The following NRG1 variants were observed in gnomAD, a reference collection of about 807,000 sequenced individuals.
NRG1 encodes pro-neuregulin-1, membrane-bound isoform.
A neutral mutation model predicts 63.8 loss-of-function variants in NRG1; 18 were observed. The ratio of observed to expected loss-of-function variants is 0.28; its 90% CI spans 0.19 to 0.42. The LOEUF is 0.42. Among genes scored for constraint, NRG1 ranks in the 10% least tolerant of loss-of-function variants. The probability of loss-of-function intolerance (pLI) is 1.00; values close to 1 mark genes in which losing one functional copy is unlikely to be tolerated. For synonymous variants in NRG1, 302 were observed against 301.3 expected (o/e 1.00, Z -0.02); for missense variants, 762 against 814.7 (o/e 0.94, Z 0.79).
intron 11 of NRG1, 71 bp from the exon 12 acceptor site, chr8:32,763,677 G>T: frequency 7.1e-7 from 1 of 1,410,808 alleles, no homozygotes; most frequent in Non-Finnish European, 9.6e-7. Flanking sequence ...CGTGAACTCT[G>T]TCCCCTTACC....
chr8:31,783,317 C>A (rs1456238062), intron 1 of NRG1, among the ~76,000 whole-genome samples: 1 of 152,092 alleles, frequency 6.6e-6, no homozygotes, highest in East Asian at 1.9e-4. Context: ...TGTTTTATAG[C>A]AATAGTTTTT....
chr8:31,910,700 A>G (rs925735935), intron 1 of NRG1, among the ~76,000 whole-genome samples: 6 of 152,214 alleles, frequency 3.9e-5, no homozygotes, highest in African/African-American at 9.6e-5. Flanking sequence ...TATATGTGAT[A>G]CGTAAACAGG....
At chr8:32,256,193 A>C (rs150616532) in intron 1 of NRG1, among the ~76,000 whole-genome samples, 1 of 152,240 alleles carries the variant, frequency 6.6e-6, no homozygotes, top group African/African-American at 2.4e-5. Context: ...CTGTCAATTC[A>C]TCAAACTCAT....
At chr8:32,344,366 C>CTTTCTTTCTTTCTT (rs1804506794) in intron 1 of NRG1, among the ~76,000 whole-genome samples, 7 of 53,436 alleles carry the variant, frequency 1.3e-4, no homozygotes, top group East Asian at 3.6e-3. Context: ...TTCTTTCTTT[C>CTTTCTTTCTTTCTT]TTTCTTTCTT....
chr8:31,850,778 G>C (rs774942457), intron 1 of NRG1, among the ~76,000 whole-genome samples: 2 of 152,140 alleles, frequency 1.3e-5, no homozygotes, highest in Non-Finnish European at 2.9e-5. Flanking sequence ...TTCAAAGTGA[G>C]TCTGCACTCT....
In NRG1 at chr8:32,065,883, T is replaced by A. The variant is rs558800821; in HGVS notation, c.37+426452T>A. On this transcript the variant is annotated intron_variant, in intron 1 of 10. Transcript: ENST00000519301. ...ACTTTTTAATGATCACCATTCTAAT[T>A]GGTGTGAGACGGTATCTCATTGTGG... 2.0e-5 allele frequency among the ~76,000 whole-genome samples: 3 copies of A among 152,318 alleles called. No individual in the cohort carries two copies. In the East Asian group the frequency reaches 5.8e-4, roughly 29 times the overall value.
chr8:32,627,755 GTAAAT>G (rs1849560089), intron 5 of NRG1, among the ~76,000 whole-genome samples: 1 of 151,168 alleles, frequency 6.6e-6, no homozygotes, highest in South Asian at 2.1e-4. Flanking sequence ...ATCCAGTAAA[GTAAAT>G]TAATCTGTTA....
In NRG1 at chr8:31,728,515, T is replaced by C. The variant is rs117671370; in HGVS notation, c.37+89084T>C. 3.9e-3 allele frequency among the ~76,000 whole-genome samples: 588 copies of C among 152,276 alleles called. 1 individual carries two copies. The highest frequency in any genetic ancestry group is 0.019 in the South Asian group (92 of 4,824). On this transcript the variant is annotated intron_variant, in intron 1 of 10. Coordinates refer to the NRG1 transcript ENST00000519301. ...TTTTTTTAAACTTTTGGCTCAAATA[T>C]TGGTAGTTTTCAAGGAACTTTTCTG...
intron 1 of NRG1, among the ~76,000 whole-genome samples, chr8:32,476,296 A>C (rs1824508682): frequency 6.6e-6 from 1 of 152,208 alleles, no homozygotes; most frequent in Admixed American, 6.5e-5. Flanking sequence ...GTCATATATG[A>C]AAGGGATGAT....
At chr8:32,021,567 T>C (rs994291515) in intron 1 of NRG1, among the ~76,000 whole-genome samples, 24 of 152,150 alleles carry the variant, frequency 1.6e-4, no homozygotes, top group Non-Finnish European at 3.2e-4. Flanking sequence ...AATTTCAATA[T>C]GAGTTTTGAT....
At chr8:32,564,097 CA>C (rs1836980347) in intron 1 of NRG1, among the ~76,000 whole-genome samples, 1 of 149,726 alleles carries the variant, frequency 6.7e-6, no homozygotes, top group South Asian at 2.1e-4. Flanking sequence ...CTTTTTAAAT[CA>C]GAGTCACCGA....
intron 1 of NRG1, among the ~76,000 whole-genome samples, chr8:31,994,686 A>C (rs1378994919): frequency 7.1e-6 from 1 of 140,200 alleles, no homozygotes; most frequent in Non-Finnish European, 1.6e-5. Flanking sequence ...AAAGACTTCA[A>C]ATAGCTTACC....
intron 1 of NRG1, among the ~76,000 whole-genome samples, chr8:31,708,825 A>G (rs927958688): frequency 5.9e-5 from 9 of 152,114 alleles, no homozygotes; most frequent in Admixed American, 4.6e-4. Context: ...CCACATTTAT[A>G]GTTGACCCTT....
At chr8:32,537,292 TCTG>T (rs1209293560) in intron 1 of NRG1, among the ~76,000 whole-genome samples, 2 of 151,246 alleles carry the variant, frequency 1.3e-5, no homozygotes, top group African/African-American at 4.8e-5. Flanking sequence ...CCTCTTACCT[TCTG>T]CTGCCCCCCA....
intron 9 of NRG1, among the ~76,000 whole-genome samples, chr8:32,757,650 G>C (rs781412507): frequency 5.7e-4 from 87 of 152,126 alleles, no homozygotes; most frequent in Non-Finnish European, 6.9e-4. Flanking sequence ...ACTATAATCT[G>C]TCACTCTGCA....
intron 1 of NRG1, among the ~76,000 whole-genome samples, chr8:32,140,589 G>A (rs1247547989): frequency 1.3e-5 from 2 of 151,822 alleles, no homozygotes; most frequent in African/African-American, 4.8e-5. Context: ...AGCCTACTGA[G>A]TAGCTGGGAC....
intron 1 of NRG1, among the ~76,000 whole-genome samples, chr8:31,732,034 G>A (rs1255889094): frequency 6.6e-6 from 1 of 152,088 alleles, no homozygotes; most frequent in Non-Finnish European, 1.5e-5. Context: ...TCTCAGCACA[G>A]ATACCAGATG....
intron 1 of NRG1, among the ~76,000 whole-genome samples, chr8:32,185,324 G>A (rs115654040): frequency 0.021 from 3,156 of 152,154 alleles, 107 homozygotes; most frequent in African/African-American, 0.073. Flanking sequence ...TTCCTTAATA[G>A]GATGTATTAA....
Position 32,510,115 on chromosome 8 carries a change from T to TC in NRG1, c.38-85713_38-85712insC, listed in dbSNP as rs1250025202. Among the ~76,000 whole-genome samples the TC allele has an allele frequency of 3.7e-3, 513 of 137,842 alleles. 7 individuals are homozygous for TC. The highest frequency in any genetic ancestry group is 2.2e-3 in the African/African-American group (82 of 37,748). 90.4% of individuals were successfully genotyped at this position (137,842 alleles called of 152,430 possible). Reference sequence around the variant, plus strand: ...TAGACAAAAATAATAATAATAATAATAATAATAATAATCATAAAAGCAAGG... The same window carrying TC: ...TAGACAAAAATAATAATAATAATAATCAATAATAATAATCATAAAAGCAAGG... On this transcript the variant is annotated intron_variant, in intron 1 of 10. Transcript: ENST00000519301.
Sources: gnomAD v4.1 joint callset for allele counts (sites outside exome capture counted in the v4.1 genomes callset) on GRCh38, gnomAD v4.1.1 for gene constraint, MANE v1.5 for transcripts, NCBI Gene and HGNC (gene_info 2026-07-23, HGNC 2026-07-21) for gene names.